The following IMPG2 variants were observed in gnomAD, a reference collection of about 807,000 sequenced individuals.
IMPG2 encodes the protein interphotoreceptor matrix proteoglycan 2.
A neutral mutation model predicts 129.2 loss-of-function variants in IMPG2; 91 were observed. The observed-to-expected ratio is 0.70, with a 90% CI of 0.59 to 0.84. The LOEUF (loss-of-function observed/expected upper bound fraction) is 0.84, where lower values mean the gene tolerates loss of function less well. Ranked by LOEUF, IMPG2 falls within the 40% of genes least tolerant of loss-of-function variation. The pLI is 0.00. For missense variants in IMPG2, 1,430 were observed against 1,461.7 expected, an observed-to-expected ratio of 0.98 and a Z score of 0.35; for synonymous variants, 510 against 517.7, an observed-to-expected ratio of 0.99 and a Z score of 0.20.
At position 101,230,582 on chromosome 3, in the gene IMPG2, T is replaced by C. The variant is rs142302889; in HGVS notation, c.3422+375A>G. Reference sequence around the variant, plus strand: ...ACCATGCCTTTCCTTCGATGAGCCTTGAAGTTCACGCATGCCTCCCTGACT... The same window carrying C: ...ACCATGCCTTTCCTTCGATGAGCCTCGAAGTTCACGCATGCCTCCCTGACT... On this transcript the variant is annotated intron_variant, in intron 16 of 18. Coordinates refer to ENST00000193391, the MANE Select transcript of IMPG2 (RefSeq NM_016247.4). 6.6e-5 allele frequency among the ~76,000 whole-genome samples: 10 copies of C among 152,312 alleles called. No homozygotes were observed. In the East Asian group the frequency reaches 1.9e-3, roughly 29 times the overall value.
chr3:101,263,680 C>G (rs1706693249), intron 9 of IMPG2, among the ~76,000 whole-genome samples: 1 of 151,612 alleles, frequency 6.6e-6, no homozygotes, highest in Non-Finnish European at 1.5e-5. Context: ...AAAAAATTAG[C>G]AGCAGGAAAG....
In IMPG2 at chr3:101,257,526, C is replaced by T; in HGVS notation, c.1153+3G>A. 6.2e-7 allele frequency: 1 copy of T among 1,613,172 alleles called. No individual in the cohort carries two copies. Among genetic ancestry groups the T allele is most frequent in the Non-Finnish European group, 8.5e-7 (1 of 1,179,392 alleles). The stretch of plus-strand genomic sequence containing the variant: ...AGGACTTCATGATGGATATCAAACT[C>T]ACCATTGATAAGCTGCAGGGAATCA... On this transcript the variant is annotated splice_donor_region_variant and intron_variant, in intron 10 of 18. Transcript: ENST00000193391.
intron 4 of IMPG2, among the ~76,000 whole-genome samples, chr3:101,277,410 T>C (rs966189051): frequency 3.9e-5 from 6 of 152,202 alleles, no homozygotes; most frequent in East Asian, 1.9e-4. Flanking sequence ...TGGCATATAA[T>C]TGTGAGCAAA....
chr3:101,299,219 T>C (rs1315481706), intron 3 of IMPG2, among the ~76,000 whole-genome samples: 1 of 152,262 alleles, frequency 6.6e-6, no homozygotes, highest in Non-Finnish European at 1.5e-5. Context: ...GAAGTTCTCA[T>C]GCTGTGTTTT....
chr3:101,318,551 A>G (rs2058796223), intron 2 of IMPG2, among the ~76,000 whole-genome samples: 1 of 152,172 alleles, frequency 6.6e-6, no homozygotes, highest in East Asian at 1.9e-4. Context: ...AGAAGGGAAG[A>G]AGGGAAGGAC....
Position 101,225,343 on chromosome 3 carries a change from T to C in IMPG2, c.*1626A>G, listed in dbSNP as rs1427473918. ...TATGTGAGTAGGGAATGAAAGGAAATGCTAGGATAAGGGAGCCACCTTGGC... is the reference window on the plus strand; with the variant it reads ...TATGTGAGTAGGGAATGAAAGGAAACGCTAGGATAAGGGAGCCACCTTGGC... On this transcript the variant is annotated 3_prime_UTR_variant, in exon 19 of 19. Transcript: ENST00000193391. 1 of 152,258 alleles carries C rather than the reference T, an allele frequency of 6.6e-6. No homozygotes were observed. The highest frequency in any genetic ancestry group is 6.5e-5 in the Admixed American group (1 of 15,280). 9.4% of individuals were successfully genotyped at this position (152,258 alleles called of 1,614,324 possible). A position where few individuals can be genotyped will look rare whatever the true frequency, so the allele number is the denominator to read the frequency against.
At position 101,256,797 on chromosome 3, in the gene IMPG2, C is replaced by T. The variant is rs1349308064; in HGVS notation, c.1153+732G>A. Among the ~76,000 whole-genome samples the T allele has an allele frequency of 4.6e-5, 7 of 152,104 alleles. No individual in the cohort carries two copies. The East Asian group carries it at 5.8e-4, about 13-fold the overall frequency. ...ACTGAACATTTTAAAGCTAAGTTAC[C>T]GATGAGTAAAGAAATCATGGAGAAT... On this transcript the variant is annotated intron_variant, in intron 10 of 18. Coordinates refer to ENST00000193391, the MANE Select transcript of IMPG2 (RefSeq NM_016247.4).
At chr3:101,309,052 C>T (rs1242692827) in intron 2 of IMPG2, among the ~76,000 whole-genome samples, 2 of 152,154 alleles carry the variant, frequency 1.3e-5, no homozygotes, top group Non-Finnish European at 2.9e-5. Context: ...ATTCCAGTTC[C>T]CACAAGATCC....
At chr3:101,290,197 C>T (rs1300101344) in intron 4 of IMPG2, among the ~76,000 whole-genome samples, 2 of 152,074 alleles carry the variant, frequency 1.3e-5, no homozygotes, top group Admixed American at 6.6e-5. Flanking sequence ...AGCTCTGCCT[C>T]TCTGTGGTGA....
intron 3 of IMPG2, among the ~76,000 whole-genome samples, chr3:101,292,140 C>A (rs746748892): frequency 6.6e-6 from 1 of 152,184 alleles, no homozygotes; most frequent in Non-Finnish European, 1.5e-5. Flanking sequence ...ATCCCAAAAT[C>A]TCTCTGGTGC....
chr3:101,277,076 G>C (rs775122861), intron 4 of IMPG2, among the ~76,000 whole-genome samples: 1 of 152,070 alleles, frequency 6.6e-6, no homozygotes, highest in Admixed American at 6.5e-5. Flanking sequence ...GTAGCCACTG[G>C]ACATGCATAG....
chr3:101,291,975 G>T (rs868388857), intron 3 of IMPG2, among the ~76,000 whole-genome samples: 8 of 152,088 alleles, frequency 5.3e-5, no homozygotes, highest in African/African-American at 1.7e-4. Context: ...TCAATAATTG[G>T]ATTATTCCCC....
Position 101,309,518 on chromosome 3 carries a change from G to C in IMPG2, c.335-5206C>G, listed in dbSNP as rs549005772. 1.8e-4 allele frequency among the ~76,000 whole-genome samples: 28 copies of C among 152,138 alleles called. No homozygotes were observed. The South Asian group carries it at 5.8e-3, about 32-fold the overall frequency. ...TTCCACAAAATTCCACTTAAACGTG[G>C]GAAAGCCCCTTATTAAGCCACAGAT... On this transcript the variant is annotated intron_variant, in intron 2 of 18. Transcript: ENST00000193391.
intron 15 of IMPG2, among the ~76,000 whole-genome samples, chr3:101,232,330 C>T (rs140474483): frequency 0.13 from 19,547 of 151,956 alleles, 1,320 homozygotes; most frequent in South Asian, 0.17. Flanking sequence ...CTCTGCCTCC[C>T]GGGTTCAAGC....
In IMPG2 at chr3:101,253,763, T is replaced by G. The variant is rs1706569468; in HGVS notation, c.1172A>C (p.His391Pro). ...QLINVRGVLR[H>P]QTEDLVWNTQ... ...GTTCCAAACTAGATCTTCAGTTTGG[T>G]GACGCAAAACTCCTCTCACTGAGGA... The change falls in exon 11 of 19, where the codon CAC becomes CCC. Residue 391 changes from histidine (H) to proline (P), a missense_variant. Coordinates refer to ENST00000193391, the MANE Select transcript of IMPG2 (RefSeq NM_016247.4). 6.2e-7 allele frequency: 1 copy of G among 1,610,532 alleles called. No homozygotes were observed. Among genetic ancestry groups the G allele is most frequent in the Non-Finnish European group, 8.5e-7 (1 of 1,178,104 alleles).
intron 11 of IMPG2, among the ~76,000 whole-genome samples, chr3:101,251,174 G>C (rs1706540213): frequency 6.6e-6 from 1 of 152,242 alleles, no homozygotes; most frequent in Non-Finnish European, 1.5e-5. Flanking sequence ...GCACACATTA[G>C]GAAAGCAGCT....
chr3:101,263,857 C>CAA (rs769631265), intron 9 of IMPG2, among the ~76,000 whole-genome samples: 8 of 64,408 alleles, frequency 1.2e-4, no homozygotes, highest in African/African-American at 1.8e-4. Flanking sequence ...TCTACAGATT[C>CAA]AAAAAAAAAA....
chr3:101,294,238 C>T (rs1485853507), intron 3 of IMPG2, among the ~76,000 whole-genome samples: 1 of 152,006 alleles, frequency 6.6e-6, no homozygotes, highest in Non-Finnish European at 1.5e-5. Context: ...GCTCTCCCTC[C>T]CCTTGGCCCC....
intron 11 of IMPG2, among the ~76,000 whole-genome samples, chr3:101,253,332 A>G (rs1216742704): frequency 6.6e-6 from 1 of 152,126 alleles, no homozygotes; most frequent in African/African-American, 2.4e-5. Flanking sequence ...TCTACGCTCT[A>G]TACCTAGTAC....
Sources: gnomAD v4.1 joint callset for allele counts (sites outside exome capture counted in the v4.1 genomes callset) on GRCh38, gnomAD v4.1.1 for gene constraint, MANE v1.5 for transcripts, NCBI Gene and HGNC (gene_info 2026-07-23, HGNC 2026-07-21) for gene names.